Variants in FRMD3 observed in about 807,000 individuals in gnomAD.
FRMD3 encodes the protein FERM domain containing 3.
FRMD3 carries 33 observed loss-of-function variants against 70.2 expected under a neutral mutation model. The ratio of observed to expected loss-of-function variants is 0.47; its 90% confidence interval spans 0.36 to 0.63. FRMD3 has a LOEUF of 0.63. FRMD3 is among the 20% of genes least tolerant of loss of function. The pLI is 0.00. For synonymous variants in FRMD3, 279 were observed against 255.9 expected (o/e 1.09, Z -0.86); for missense variants, 632 against 711.4 (o/e 0.89, Z 1.27).
At chr9:83,322,831 T>C (rs1487673141) in intron 6 of FRMD3, among the ~76,000 whole-genome samples, 1 of 152,196 alleles carries the variant, frequency 6.6e-6, no homozygotes, top group Non-Finnish European at 1.5e-5. Flanking sequence ...GCTTCCCATC[T>C]CCTCTCTGGT....
intron 13 of FRMD3, among the ~76,000 whole-genome samples, chr9:83,259,068 T>C (rs2378657): frequency 0.12 from 18,484 of 152,148 alleles, 2,032 homozygotes; most frequent in African/African-American, 0.3. Context: ...CTTTTATAGA[T>C]GCCACAATGA....
intron 1 of FRMD3, among the ~76,000 whole-genome samples, chr9:83,395,907 G>C (rs909223650): frequency 1.3e-5 from 2 of 152,160 alleles, no homozygotes; most frequent in Non-Finnish European, 2.9e-5. Flanking sequence ...TGCTAAACAA[G>C]TTTAGAGTTT....
intron 1 of FRMD3, among the ~76,000 whole-genome samples, chr9:83,446,425 A>T (rs1034143493): frequency 6.6e-6 from 1 of 152,140 alleles, no homozygotes; most frequent in African/African-American, 2.4e-5. Flanking sequence ...AGGCGGGCGG[A>T]TCACAAGGTC....
intron 1 of FRMD3, among the ~76,000 whole-genome samples, chr9:83,446,723 TAGAAA>T (rs1419884023): frequency 2.6e-5 from 4 of 151,610 alleles, no homozygotes; most frequent in Non-Finnish European, 4.4e-5. Flanking sequence ...ATTTGCCAAG[TAGAAA>T]AGAAAAGATT....
chr9:83,470,355 C>T (rs756978437), intron 1 of FRMD3, among the ~76,000 whole-genome samples: 1 of 151,922 alleles, frequency 6.6e-6, no homozygotes, highest in Admixed American at 6.6e-5. Flanking sequence ...AGTCCTCACC[C>T]TGCCATTTTC....
At chr9:83,480,682 A>G (rs1828547854) in intron 1 of FRMD3, among the ~76,000 whole-genome samples, 1 of 152,062 alleles carries the variant, frequency 6.6e-6, no homozygotes, top group Non-Finnish European at 1.5e-5. Context: ...TTTAGTAGAG[A>G]CAGGGTTTCT....
intron 13 of FRMD3, among the ~76,000 whole-genome samples, chr9:83,261,516 A>G (rs1211838075): frequency 6.6e-6 from 1 of 152,146 alleles, no homozygotes; most frequent in Non-Finnish European, 1.5e-5. Context: ...CTTGGTTTCC[A>G]TCCAATGATT....
the FRMD3 span, among the ~76,000 whole-genome samples, chr9:83,571,710 C>A: frequency 6.6e-6 from 1 of 152,188 alleles, no homozygotes; most frequent in Non-Finnish European, 1.5e-5. Context: ...TTCATTCTAG[C>A]CTTCCTGTCT....
chr9:83,294,779 C>T (rs1207647011), intron 12 of FRMD3, among the ~76,000 whole-genome samples: 1 of 152,202 alleles, frequency 6.6e-6, no homozygotes, highest in African/African-American at 2.4e-5. Flanking sequence ...CACTGCCTTT[C>T]TGCATGATTT....
the FRMD3 span, among the ~76,000 whole-genome samples, chr9:83,563,122 G>A: frequency 6.6e-6 from 1 of 152,318 alleles, no homozygotes; most frequent in Admixed American, 6.5e-5. Flanking sequence ...CTGGCATCTA[G>A]GATAGAGTCT....
the FRMD3 span, among the ~76,000 whole-genome samples, chr9:83,553,022 AC>A: frequency 1.3e-4 from 20 of 152,144 alleles, no homozygotes; most frequent in African/African-American, 4.8e-4. Context: ...TGATCCTGCC[AC>A]TATGCTGTTA....
At position 83,441,294 on chromosome 9, in the gene FRMD3, G is replaced by A. The variant is rs542077161; in HGVS notation, c.148-51586C>T. Among the ~76,000 whole-genome samples the A allele has an allele frequency of 5.9e-5, 9 of 152,256 alleles. No individual in the cohort carries two copies. The South Asian group carries it at 8.3e-4, about 14-fold the overall frequency. ...TCAAAATATCACCTTTGAAAAGAAC[G>A]TGGGAATGCCTGAGAAGTCAGATTC... On this transcript the variant is annotated intron_variant, in intron 1 of 13. Coordinates refer to ENST00000304195, the MANE Select transcript of FRMD3 (RefSeq NM_174938.6).
chr9:83,494,106 G>A (rs1201800092), intron 1 of FRMD3, among the ~76,000 whole-genome samples: 2 of 152,210 alleles, frequency 1.3e-5, no homozygotes, highest in Non-Finnish European at 2.9e-5. Flanking sequence ...GTGTAGCAGT[G>A]CCAACAATGA....
intron 13 of FRMD3, among the ~76,000 whole-genome samples, chr9:83,278,922 C>A (rs1259191870): frequency 6.6e-6 from 1 of 152,152 alleles, no homozygotes; most frequent in African/African-American, 2.4e-5. Context: ...AGTTCCCTCC[C>A]CAGTAAGGGT....
intron 13 of FRMD3, among the ~76,000 whole-genome samples, chr9:83,272,466 C>A (rs1833600404): frequency 6.6e-6 from 1 of 152,068 alleles, no homozygotes; most frequent in South Asian, 2.1e-4. Flanking sequence ...CAACCTCCAC[C>A]TCCCAGCCGC....
At chr9:83,509,588 G>C (rs1829290463) in intron 1 of FRMD3, among the ~76,000 whole-genome samples, 1 of 152,188 alleles carries the variant, frequency 6.6e-6, no homozygotes, top group Non-Finnish European at 1.5e-5. Flanking sequence ...CTGGGAAAAA[G>C]CAGGGAGCTG....
At chr9:83,348,105 C>T (rs566495320) in intron 4 of FRMD3, among the ~76,000 whole-genome samples, 5 of 152,256 alleles carry the variant, frequency 3.3e-5, no homozygotes, top group Admixed American at 3.3e-4. Flanking sequence ...GACACATACT[C>T]AATTTTTATC....
chr9:83,555,990 CT>C, the FRMD3 span, among the ~76,000 whole-genome samples: 1 of 152,160 alleles, frequency 6.6e-6, no homozygotes, highest in Non-Finnish European at 1.5e-5. Context: ...TCTTGTCTTG[CT>C]TTTCTTCATT....
At chr9:83,308,800 C>T (rs910367766) in intron 10 of FRMD3, among the ~76,000 whole-genome samples, 1 of 152,174 alleles carries the variant, frequency 6.6e-6, no homozygotes, top group Non-Finnish European at 1.5e-5. Flanking sequence ...ACACTGAAGC[C>T]TTCTTACTAT....
Sources: allele counts gnomAD v4.1 joint callset (sites outside exome capture counted in the v4.1 genomes callset), GRCh38; gene constraint gnomAD v4.1.1; transcripts MANE v1.5; gene names NCBI Gene and HGNC (gene_info 2026-07-23, HGNC 2026-07-21).